The following IRS2 variants were observed in gnomAD, a reference collection of about 807,000 sequenced individuals.
IRS2 encodes insulin receptor substrate 2.
Under a neutral mutation model 70.9 loss-of-function variants are expected in IRS2, and 28 were observed. The observed-to-expected ratio is 0.39, with a 90% CI of 0.29 to 0.54. IRS2 has a LOEUF of 0.54. Among genes scored for constraint, IRS2 ranks in the 20% least tolerant of loss-of-function variants. IRS2 has a pLI of 0.59. For synonymous variants in IRS2, 1,217 were observed against 981.9 expected, an observed-to-expected ratio of 1.24 and a Z score of -4.48; for missense variants, 2,081 against 2,024.1, an observed-to-expected ratio of 1.03 and a Z score of -0.54.
chr13:109,782,840 A>T lies in IRS2; in HGVS notation c.3214T>A (p.Tyr1072Asn). The change falls in exon 1 of 2, where the codon TAC becomes AAC. Residue 1072 changes from tyrosine (Y) to asparagine (N), a missense_variant. Coordinates refer to ENST00000375856, the MANE Select transcript of IRS2 (RefSeq NM_003749.3). ...GCCACACCAAAAGCCATCTCGGTGT[A>T]GTCACCATTGTCCCCGGTGTCCGAG... ...LSSDTGDNGD[Y>N]TEMAFGVAAT... 1 of 1,587,072 alleles carries T rather than the reference A, an allele frequency of 6.3e-7. No homozygotes were observed. Among genetic ancestry groups the T allele is most frequent in the Non-Finnish European group, 8.6e-7 (1 of 1,168,132 alleles).
At chr13:109,772,767 C>T (rs1208323117) in intron 1 of IRS2, among the ~76,000 whole-genome samples, 1 of 150,106 alleles carries the variant, frequency 6.7e-6, no homozygotes, top group Non-Finnish European at 1.5e-5. Context: ...GCGATCTCGG[C>T]TCACTGCAAG....
chr13:109,782,230 A>G lies in IRS2; in HGVS notation c.3824T>C (p.Leu1275Pro). ...PPQPQPPPPP[L>P]PQPGDKSSWG... Reference sequence around the variant, plus strand: ...GGAGCTCTTGTCTCCCGGCTGAGGAAGCGGCGGCGGCGGCGGCTGCGGCTG... The same window carrying G: ...GGAGCTCTTGTCTCCCGGCTGAGGAGGCGGCGGCGGCGGCGGCTGCGGCTG... The change falls in exon 1 of 2, where the codon CTT becomes CCT. Residue 1275 changes from leucine (L) to proline (P), a missense_variant. Around this residue, in one of 4 missense-constraint regions of IRS2, gnomAD observed 1,615 missense variants for 1,459.5 expected, o/e 1.11. Transcript: ENST00000375856. 6.2e-7 allele frequency: 1 copy of G among 1,606,700 alleles called. No homozygotes were observed. Among genetic ancestry groups the G allele is most frequent in the African/African-American group, 1.3e-5 (1 of 74,854 alleles).
At chr13:109,757,129 T>C (rs1877125307) in intron 1 of IRS2, among the ~76,000 whole-genome samples, 2 of 152,338 alleles carry the variant, frequency 1.3e-5, no homozygotes, top group South Asian at 2.1e-4. Flanking sequence ...TTCCAGTGTT[T>C]TAGGCCTATT....
At position 109,783,333 on chromosome 13, in the gene IRS2, G is replaced by A. The variant is rs1386806249; in HGVS notation, c.2721C>T (p.Tyr907=). 1 of 1,559,338 alleles carries A rather than the reference G, an allele frequency of 6.4e-7. No homozygotes were observed. Among genetic ancestry groups the A allele is most frequent in the Non-Finnish European group, 8.6e-7 (1 of 1,161,890 alleles). ...GLPSLPSMHE[Y]PLPPEPKSPG... ...GGCTCTTGGGCTCCGGTGGCAGTGG[G>A]TACTCGTGCATGCTGGGCAGGCTGG... Residue 907 remains tyrosine, a synonymous_variant, in exon 1 of 2, where the codon TAC becomes TAT. Coordinates refer to ENST00000375856, the MANE Select transcript of IRS2 (RefSeq NM_003749.3).
rs753795362 is a variant in IRS2 at position 109,753,629 on chromosome 13, T to G, written c.*2675A>C. 50 of 172,804 alleles carry G rather than the reference T, an allele frequency of 2.9e-4. No homozygotes were observed. The highest frequency in any genetic ancestry group is 1.5e-3 in the Admixed American group (23 of 15,734). The allele number at this position is 172,804 out of a possible 1,614,324, so 10.7% of individuals were successfully genotyped here. On this transcript the variant is annotated 3_prime_UTR_variant, in exon 2 of 2. Coordinates refer to ENST00000375856, the MANE Select transcript of IRS2 (RefSeq NM_003749.3). ...CTGTTTTGTAGAGTACATCGAATGTTCTGTTTTGTTATATAACACATTTAC... is the reference window on the plus strand; with the variant it reads ...CTGTTTTGTAGAGTACATCGAATGTGCTGTTTTGTTATATAACACATTTAC...
Position 109,782,223 on chromosome 13 carries a change from C to G in IRS2, c.3831G>C (p.Gln1277His), listed in dbSNP as rs1268586971. The G allele has an allele frequency of 4.4e-6, 7 of 1,607,666 alleles. No individual in the cohort carries two copies. Among genetic ancestry groups the G allele is most frequent in the Non-Finnish European group, 5.1e-6 (6 of 1,177,416 alleles). Residue 1277 changes from glutamine to histidine, a missense_variant, in exon 1 of 2, where the codon CAG becomes CAC. Physicochemically the swap from Gln to His is conservative, Grantham distance 24. Coordinates refer to ENST00000375856, the MANE Select transcript of IRS2 (RefSeq NM_003749.3). ...QPQPPPPPLPQPGDKSSWGRT... is the reference protein window; with the variant it reads ...QPQPPPPPLPHPGDKSSWGRT... Reference sequence around the variant, plus strand: ...GGCCCCAGGAGCTCTTGTCTCCCGGCTGAGGAAGCGGCGGCGGCGGCGGCT... The same window carrying G: ...GGCCCCAGGAGCTCTTGTCTCCCGGGTGAGGAAGCGGCGGCGGCGGCGGCT...
In IRS2 at chr13:109,782,686, G is replaced by A. The variant is rs1435021680; in HGVS notation, c.3368C>T (p.Ala1123Val). Residue 1123 changes from alanine (A) to valine (V), a missense_variant, in exon 1 of 2, where the codon GCC becomes GTC. By Grantham distance (64) the Ala-to-Val change is moderately conservative. This residue lies in a region of IRS2 where 1,615 missense variants were observed against 1,459.5 expected (regional missense o/e 1.11). Transcript: ENST00000375856. ...GCGGTGGGGGTCCGGGGGCTGGCTG[G>A]CCTGCAGGAAGGCCTCGACTCCCGA... ...QVSGVEAFLQ[A>V]SQPPDPHRGA... The A allele has an allele frequency of 6.3e-7, 1 of 1,580,034 alleles. No homozygotes were observed. The highest frequency in any genetic ancestry group is 1.8e-5 in the Admixed American group (1 of 55,006).
chr13:109,785,703 G>A lies in IRS2; in HGVS notation c.351C>T (p.Thr117=). The change falls in exon 1 of 2, where the codon ACC becomes ACT. Residue 117 remains threonine, a synonymous_variant. Coordinates refer to ENST00000375856, the MANE Select transcript of IRS2 (RefSeq NM_003749.3). This position sits in a 1 kb window ranked among gnomAD's most constrained non-coding sequence, Gnocchi z 9.3. ...AKHKYLIALY[T]KDEYFAVAAE... is the part of the protein sequence containing the mutation. ...CGGCCACGGCGAAGTACTCGTCCTT[G>A]GTGTAGAGGGCGATCAGGTACTTGT... is the stretch of plus-strand genomic sequence containing the variant. The A allele has an allele frequency of 6.2e-7, 1 of 1,600,742 alleles. No individual in the cohort carries two copies. Among genetic ancestry groups the A allele is most frequent in the Non-Finnish European group, 8.5e-7 (1 of 1,177,756 alleles).
At chr13:109,770,151 G>A (rs1286942300) in intron 1 of IRS2, among the ~76,000 whole-genome samples, 2 of 152,192 alleles carry the variant, frequency 1.3e-5, no homozygotes, top group African/African-American at 4.8e-5. Flanking sequence ...GCCAAGAGCG[G>A]CAAGCAGCCC....
At chr13:109,763,681 C>T (rs1165956412) in intron 1 of IRS2, among the ~76,000 whole-genome samples, 3 of 152,306 alleles carry the variant, frequency 2.0e-5, no homozygotes, top group Admixed American at 6.5e-5. Flanking sequence ...CAATGAACGA[C>T]GTAATTCTTT....
At chr13:109,779,652 C>CA (rs1555316308) in intron 1 of IRS2, among the ~76,000 whole-genome samples, 1 of 151,574 alleles carries the variant, frequency 6.6e-6, no homozygotes, top group Non-Finnish European at 1.5e-5. Context: ...GCAGATATTT[C>CA]TTTTTTTTTA....
chr13:109,764,225 C>T (rs1312918603), intron 1 of IRS2, among the ~76,000 whole-genome samples: 1 of 152,200 alleles, frequency 6.6e-6, no homozygotes, highest in Non-Finnish European at 1.5e-5. Context: ...CATCTCTGTA[C>T]TTTAAACTAC....
rs534043996 is a variant in IRS2, at chr13:109,782,979, C to T, written c.3075G>A (p.Pro1025=). Residue 1025 remains proline (P), a synonymous_variant, in exon 1 of 2, where the codon CCG becomes CCA. Coordinates refer to ENST00000375856, the MANE Select transcript of IRS2 (RefSeq NM_003749.3). ...GTGGCGGCGGCTGCAGAGACGACGA[C>T]GGGGACGCGGACGGACGCGGGGGCA... The part of the protein sequence containing the change: ...PPLPPRPSAS[P]SSSLQPPPPP... 3.8e-5 allele frequency: 53 copies of T among 1,400,382 alleles called. No homozygotes were observed. The African/African-American group carries it at 6.3e-4, about 17-fold the overall frequency. 86.7% of individuals were successfully genotyped at this position (1,400,382 alleles called of 1,614,324 possible).
chr13:109,785,670 G>A lies in IRS2; in HGVS notation c.384C>T (p.Asn128=). 1 of 1,596,642 alleles carries A rather than the reference G, an allele frequency of 6.3e-7. No homozygotes were observed. Among genetic ancestry groups the A allele is most frequent in the Non-Finnish European group, 8.5e-7 (1 of 1,175,470 alleles). ...GGTACCAGCCCTCCTGCTCCTGCTC[G>A]TTCTCGGCGGCCACGGCGAAGTACT... is the stretch of plus-strand genomic sequence containing the variant. ...KDEYFAVAAE[N]EQEQEGWYRA... The change falls in exon 1 of 2, where the codon AAC becomes AAT. Residue 128 remains asparagine (N), a synonymous_variant. Transcript: ENST00000375856. The surrounding 1 kb of genome is among the most constrained non-coding windows in gnomAD (Gnocchi z 9.3).
At chr13:109,769,327 G>A (rs4773087) in intron 1 of IRS2, among the ~76,000 whole-genome samples, 88,184 of 152,022 alleles carry the variant, frequency 0.58, 26,597 homozygotes, top group African/African-American at 0.75. Flanking sequence ...GTGACATGTG[G>A]GCTAACATCA....
chr13:109,757,048 G>C (rs1399724621), intron 1 of IRS2, among the ~76,000 whole-genome samples: 1 of 152,182 alleles, frequency 6.6e-6, no homozygotes, highest in African/African-American at 2.4e-5. Flanking sequence ...AGGGACTGAG[G>C]ACACGTGGCC....
chr13:109,756,182 A>G lies in IRS2; in HGVS notation c.*122T>C. Reference sequence around the variant, plus strand: ...ACAGAGTCCACAGATGTTTCCAAACACAGTCATTGCTCAGATCCAAAAGAA... The same window carrying G: ...ACAGAGTCCACAGATGTTTCCAAACGCAGTCATTGCTCAGATCCAAAAGAA... On this transcript the variant is annotated 3_prime_UTR_variant, in exon 2 of 2. Transcript: ENST00000375856. 2 of 858,042 alleles carry G rather than the reference A, an allele frequency of 2.3e-6. No homozygotes were observed. Among genetic ancestry groups the G allele is most frequent in the Admixed American group, 3.7e-5 (2 of 54,104 alleles). The allele number at this position is 858,042 out of a possible 1,614,324, so 53.2% of individuals were successfully genotyped here. A position where few individuals can be genotyped will look rare whatever the true frequency, so the allele number is the denominator to read the frequency against.
Position 109,783,300 on chromosome 13 carries a change from C to T in IRS2, c.2754G>A (p.Glu918=). 1.3e-6 allele frequency: 2 copies of T among 1,532,482 alleles called. No homozygotes were observed. The highest frequency in any genetic ancestry group is 1.7e-6 in the Non-Finnish European group (2 of 1,149,220). 94.9% of individuals were successfully genotyped at this position (1,532,482 alleles called of 1,614,324 possible). A position where few individuals can be genotyped will look rare whatever the true frequency, so the allele number is the denominator to read the frequency against. Residue 918 remains glutamate (E), a synonymous_variant, in exon 1 of 2, where the codon GAG becomes GAA. Coordinates refer to ENST00000375856, the MANE Select transcript of IRS2 (RefSeq NM_003749.3). ...PLPPEPKSPG[E]YINIDFGEPG... ...GCTCGCCAAAGTCGATGTTGATGTA[C>T]TCGCCGGGGCTCTTGGGCTCCGGTG...
intron 1 of IRS2, among the ~76,000 whole-genome samples, chr13:109,770,147 A>G (rs1877420158): frequency 6.6e-6 from 1 of 152,208 alleles, no homozygotes; most frequent in Non-Finnish European, 1.5e-5. Context: ...GGAGGCCAAG[A>G]GCGGCAAGCA....
Sources: gnomAD v4.1 joint callset for allele counts (sites outside exome capture counted in the v4.1 genomes callset) on GRCh38, gnomAD v4.1.1 for gene constraint, gnomAD v4.1.1 regional missense constraint, Gnocchi (gnomAD v3.1) non-coding constraint, MANE v1.5 for transcripts, NCBI Gene and HGNC (gene_info 2026-07-23, HGNC 2026-07-21) for gene names.